NRXN3: variants seen among roughly 807,000 people sequenced by gnomAD.
NRXN3 encodes neurexin 3.
In NRXN3, 32 loss-of-function variants were observed where a neutral mutation model predicts 137.6. The observed-to-expected ratio is 0.23, with a 90% CI of 0.18 to 0.31. The LOEUF (loss-of-function observed/expected upper bound fraction) is 0.31, where lower values mean the gene tolerates loss of function less well. Ranked by LOEUF, NRXN3 falls within the 10% of genes least tolerant of loss-of-function variation. The probability of loss-of-function intolerance (pLI) is 1.00; values close to 1 mark genes in which losing one functional copy is unlikely to be tolerated. For synonymous variants in NRXN3, 798 were observed against 784.5 expected (o/e 1.02, Z -0.29); for missense variants, 1,574 against 2,062.5 (o/e 0.76, Z 4.59).
intron 15 of NRXN3, among the ~76,000 whole-genome samples, chr14:79,062,563 C>A (rs536541886): frequency 6.6e-6 from 1 of 152,116 alleles, no homozygotes; most frequent in Non-Finnish European, 1.5e-5. Context: ...GAGATCTACT[C>A]GTTAGGGATG....
intron 15 of NRXN3, among the ~76,000 whole-genome samples, chr14:79,083,162 C>T (rs1029262870): frequency 6.6e-5 from 10 of 152,170 alleles, no homozygotes; most frequent in African/African-American, 2.4e-4. Flanking sequence ...CTTGTTGTTC[C>T]TGAGGCACAG....
Position 79,631,562 on chromosome 14 carries a change from A to G in NRXN3, c.3445-32216A>G, listed in dbSNP as rs78680872. Reference sequence around the variant, plus strand: ...AGCCGGCTGATGCCTGCTGGGCTTGAAAAGGGACGAGCTCCCTCTGGGCTG... The same window carrying G: ...AGCCGGCTGATGCCTGCTGGGCTTGGAAAGGGACGAGCTCCCTCTGGGCTG... On this transcript the variant is annotated intron_variant, in intron 16 of 20. Coordinates refer to ENST00000335750, the MANE Select transcript of NRXN3 (RefSeq NM_001330195.2). Among the ~76,000 whole-genome samples the G allele has an allele frequency of 0.014, 2,109 of 152,296 alleles. 150 individuals carry two copies. The East Asian group carries it at 0.22, about 16-fold the overall frequency.
intron 4 of NRXN3, among the ~76,000 whole-genome samples, chr14:78,319,344 A>T (rs749101173): frequency 2.0e-5 from 3 of 152,180 alleles, no homozygotes; most frequent in Non-Finnish European, 4.4e-5. Context: ...CATATATGAC[A>T]AGTGCACATG....
At chr14:79,502,600 C>A (rs905838223) in intron 16 of NRXN3, among the ~76,000 whole-genome samples, 2 of 151,344 alleles carry the variant, frequency 1.3e-5, no homozygotes, top group African/African-American at 4.9e-5. Context: ...CCCAGGCTTT[C>A]TTTATGTTCT....
At chr14:79,072,824 C>T (rs1264462381) in intron 15 of NRXN3, among the ~76,000 whole-genome samples, 3 of 151,904 alleles carry the variant, frequency 2.0e-5, no homozygotes, top group African/African-American at 7.2e-5. Flanking sequence ...TGTACTCTGT[C>T]TCCCCATCTC....
chr14:78,735,804 C>G (rs1277660305), intron 8 of NRXN3, among the ~76,000 whole-genome samples: 3 of 152,208 alleles, frequency 2.0e-5, no homozygotes, highest in African/African-American at 4.8e-5. Context: ...TCAGAGAAGT[C>G]TGTTAGAATT....
chr14:79,288,934 T>G (rs1019562502), intron 15 of NRXN3, among the ~76,000 whole-genome samples: 2 of 152,136 alleles, frequency 1.3e-5, no homozygotes, highest in Non-Finnish European at 2.9e-5. Flanking sequence ...AATAAATGAT[T>G]GAGTGAGGTT....
intron 10 of NRXN3, among the ~76,000 whole-genome samples, chr14:78,943,131 G>A (rs1323791017): frequency 1.3e-5 from 2 of 152,066 alleles, no homozygotes. Flanking sequence ...ATGAGAGGCT[G>A]GAACTTTGGG....
chr14:78,620,238 G>A (rs2097387607), intron 4 of NRXN3, among the ~76,000 whole-genome samples: 1 of 152,056 alleles, frequency 6.6e-6, no homozygotes, highest in African/African-American at 2.4e-5. Flanking sequence ...TCCAACTTTG[G>A]GACACTTTTT....
At chr14:78,561,010 A>G (rs139464986) in intron 4 of NRXN3, among the ~76,000 whole-genome samples, 1 of 152,318 alleles carries the variant, frequency 6.6e-6, no homozygotes, top group African/African-American at 2.4e-5. Flanking sequence ...GTAATACATT[A>G]CTTCCCAAAT....
chr14:78,721,940 T>C (rs2098462064), intron 8 of NRXN3, among the ~76,000 whole-genome samples: 1 of 109,816 alleles, frequency 9.1e-6, no homozygotes, highest in Admixed American at 9.5e-5. Flanking sequence ...TTCAGCCTCT[T>C]TTTTTTTTTA....
chr14:78,788,816 A>T (rs533797376), intron 8 of NRXN3, among the ~76,000 whole-genome samples: 1 of 152,248 alleles, frequency 6.6e-6, no homozygotes, highest in East Asian at 1.9e-4. Flanking sequence ...ATTCGGTATT[A>T]TTATTACACT....
At chr14:79,108,248 T>C (rs768288999) in intron 15 of NRXN3, among the ~76,000 whole-genome samples, 2 of 152,192 alleles carry the variant, frequency 1.3e-5, no homozygotes, top group Non-Finnish European at 2.9e-5. Context: ...TCATTTTTCC[T>C]GAAGTACTTT....
At chr14:78,461,131 A>G (rs542125727) in intron 4 of NRXN3, among the ~76,000 whole-genome samples, 1 of 152,354 alleles carries the variant, frequency 6.6e-6, no homozygotes, top group African/African-American at 2.4e-5. Context: ...ATGTTCTAAT[A>G]CAGGTCACCG....
chr14:79,145,301 C>G (rs894033456), intron 15 of NRXN3, among the ~76,000 whole-genome samples: 1 of 152,060 alleles, frequency 6.6e-6, no homozygotes, highest in Non-Finnish European at 1.5e-5. Flanking sequence ...TTAAAAATAA[C>G]CTTTCTTTAC....
At chr14:78,705,981 G>A (rs1367229053) in intron 6 of NRXN3, among the ~76,000 whole-genome samples, 1 of 152,106 alleles carries the variant, frequency 6.6e-6, no homozygotes, top group Admixed American at 6.5e-5. Flanking sequence ...TCTCAGTTAG[G>A]TACCCTTCTC....
intron 4 of NRXN3, among the ~76,000 whole-genome samples, chr14:78,508,535 T>A (rs2192418): frequency 0.38 from 57,979 of 152,070 alleles, 11,315 homozygotes; most frequent in East Asian, 0.47. Context: ...ATGTTTGTTT[T>A]GTATGCTAGA....
intron 15 of NRXN3, among the ~76,000 whole-genome samples, chr14:79,217,158 A>G (rs2068669502): frequency 6.6e-6 from 1 of 151,846 alleles, no homozygotes; most frequent in South Asian, 2.1e-4. Flanking sequence ...AGAAAGAAAG[A>G]AAGAAAGAAA....
chr14:79,028,879 C>T (rs564756094), intron 15 of NRXN3, among the ~76,000 whole-genome samples: 77 of 152,244 alleles, frequency 5.1e-4, no homozygotes, highest in African/African-American at 1.8e-3. Flanking sequence ...TTCTCACTGC[C>T]TGATCCATTC....
Sources: gnomAD v4.1 joint callset for allele counts (sites outside exome capture counted in the v4.1 genomes callset) on GRCh38, gnomAD v4.1.1 for gene constraint, MANE v1.5 for transcripts, NCBI Gene and HGNC (gene_info 2026-07-23, HGNC 2026-07-21) for gene names.